The following IL1RAPL2 variants were observed in gnomAD, a reference collection of about 807,000 sequenced individuals.
The protein encoded by IL1RAPL2 is X-linked interleukin-1 receptor accessory protein-like 2.
Under a neutral mutation model 44.1 loss-of-function variants are expected in IL1RAPL2, and 3 were observed. The ratio of observed to expected loss-of-function variants is 0.07; its 90% confidence interval spans 0.03 to 0.18. The LOEUF (loss-of-function observed/expected upper bound fraction) is 0.18. Among genes scored for constraint, IL1RAPL2 ranks in the 10% least tolerant of loss-of-function variants. The pLI is 1.00. For synonymous variants in IL1RAPL2, 181 were observed against 178.8 expected, an observed-to-expected ratio of 1.01 and a Z score of -0.10; for missense variants, 391 against 496.4, an observed-to-expected ratio of 0.79 and a Z score of 2.02.
At chrX:105,062,948 C>A (rs2032092828) in intron 2 of IL1RAPL2, among the ~76,000 whole-genome samples, 1 of 111,062 alleles carries the variant, frequency 9.0e-6, no homozygotes, top group Non-Finnish European at 1.9e-5. Flanking sequence ...TGTTCTATAA[C>A]CTTCTTGTAC....
chrX:105,767,328 A>ACTT lies in IL1RAPL2; in HGVS notation c.1729_1731dup (p.Leu577dup). The ACTT allele has an allele frequency of 8.3e-7, 1 of 1,211,667 alleles. No homozygotes were observed. Among genetic ancestry groups the ACTT allele is most frequent in the Non-Finnish European group, 1.1e-6 (1 of 895,230 alleles). On this transcript the variant is annotated inframe_insertion, in exon 11 of 11. Coordinates refer to ENST00000372582, the MANE Select transcript of IL1RAPL2 (RefSeq NM_017416.2). ...ATGTTCTGGACTCCGCAGAACAAGGACTTTTTGGAGAACTCCAGCCTATAC... is the reference window on the plus strand; with the variant it reads ...ATGTTCTGGACTCCGCAGAACAAGGACTTCTTTTTGGAGAACTCCAGCCTATAC...
intron 5 of IL1RAPL2, among the ~76,000 whole-genome samples, chrX:105,388,692 T>C (rs1270822527): frequency 9.0e-6 from 1 of 111,121 alleles, no homozygotes; most frequent in Non-Finnish European, 1.9e-5. Flanking sequence ...CTTTAGTTCT[T>C]TGAAATCACC....
chrX:104,954,935 G>A (rs1458332576), intron 2 of IL1RAPL2, among the ~76,000 whole-genome samples: 2 of 113,046 alleles, frequency 1.8e-5, no homozygotes, highest in South Asian at 3.6e-4. Flanking sequence ...CCTGCAGAGC[G>A]GGGCTACCCC....
chrX:104,729,172 T>G (rs981506203), intron 2 of IL1RAPL2, among the ~76,000 whole-genome samples: 4 of 111,613 alleles, frequency 3.6e-5, no homozygotes, highest in African/African-American at 1.3e-4. Context: ...GAGTGATAAG[T>G]AAGACATACA....
At chrX:105,527,452 G>GTA (rs1241124207) in intron 6 of IL1RAPL2, among the ~76,000 whole-genome samples, 2 of 108,399 alleles carry the variant, frequency 1.8e-5, no homozygotes, top group Non-Finnish European at 3.8e-5. Flanking sequence ...GTGTGTGTGT[G>GTA]TGTGTGTGTG....
intron 2 of IL1RAPL2, among the ~76,000 whole-genome samples, chrX:104,939,050 CTTTTTTTTTTT>C (rs60881835): frequency 1.0e-3 from 83 of 81,417 alleles, no homozygotes; most frequent in South Asian, 1.8e-3. Context: ...TGCATGCTAG[CTTTTTTTTTTT>C]TTTTTTTTTT....
At chrX:104,722,530 G>C (rs1027852113) in intron 2 of IL1RAPL2, among the ~76,000 whole-genome samples, 7 of 111,246 alleles carry the variant, frequency 6.3e-5, no homozygotes, top group African/African-American at 1.3e-4. Flanking sequence ...TTATATTGTG[G>C]AAGTCAGCTT....
At position 105,022,563 on chromosome X, in the gene IL1RAPL2, C is replaced by A. The variant is rs185593644; in HGVS notation, c.83-172912C>A. Among the ~76,000 whole-genome samples the A allele has an allele frequency of 3.1e-3, 340 of 110,988 alleles. 6 individuals are homozygous for A. The South Asian group carries it at 0.062, about 20-fold the overall frequency. On this transcript the variant is annotated intron_variant, in intron 2 of 10. Coordinates refer to ENST00000372582, the MANE Select transcript of IL1RAPL2 (RefSeq NM_017416.2). ...AGAGTCTTTTCTTGGATATCCCAGG[C>A]TCCTTGACTTTCAGCTCTGTGATTT...
rs867087625 is a variant in IL1RAPL2, at chrX:104,905,588, A to C, written c.82+246593A>C. The stretch of plus-strand genomic sequence containing the variant: ...CCTTTCCCCATTGCTTGTTTTTCTC[A>C]GGTTTGTCAAAGATCAGATAGTTGT... On this transcript the variant is annotated intron_variant, in intron 2 of 10. Transcript: ENST00000372582. Among the ~76,000 whole-genome samples the C allele has an allele frequency of 2.5e-4, 28 of 111,362 alleles. 1 individual carries two copies. The highest frequency in any genetic ancestry group is 9.2e-4 in the African/African-American group (28 of 30,576).
chrX:105,035,068 G>A (rs1043972607), intron 2 of IL1RAPL2, among the ~76,000 whole-genome samples: 3 of 111,733 alleles, frequency 2.7e-5, no homozygotes, highest in Non-Finnish European at 5.6e-5. Flanking sequence ...CTCCTGGTGT[G>A]CCGTTTTTTT....
intron 6 of IL1RAPL2, among the ~76,000 whole-genome samples, chrX:105,596,338 A>AT (rs1230985209): frequency 8.4e-4 from 86 of 102,963 alleles, no homozygotes; most frequent in African/African-American, 1.1e-3. Flanking sequence ...TTGGTACGTT[A>AT]TTTTTTTTTG....
intron 6 of IL1RAPL2, among the ~76,000 whole-genome samples, chrX:105,709,998 TAAC>T (rs777256330): frequency 2.7e-5 from 3 of 110,839 alleles, no homozygotes; most frequent in Admixed American, 9.7e-5. Flanking sequence ...ACCAAAACAA[TAAC>T]AACAATAACA....
At chrX:104,708,578 C>T (rs1181228152) in intron 2 of IL1RAPL2, among the ~76,000 whole-genome samples, 2 of 111,145 alleles carry the variant, frequency 1.8e-5, no homozygotes, top group South Asian at 3.8e-4. Context: ...TAGAGCAGGA[C>T]ACATCAAAGT....
At chrX:104,928,553 TTC>T (rs887674460) in intron 2 of IL1RAPL2, among the ~76,000 whole-genome samples, 4 of 111,520 alleles carry the variant, frequency 3.6e-5, no homozygotes, top group Non-Finnish European at 7.5e-5. Context: ...AAAAATTGTT[TTC>T]TCTCTCCTTT....
rs140707176 is a variant in IL1RAPL2 at position 104,785,520 on chromosome X, G to A, written c.82+126525G>A. On this transcript the variant is annotated intron_variant, in intron 2 of 10. Transcript: ENST00000372582. Reference sequence around the variant, plus strand: ...ATTTCAAGTATTGTAAGATAGTTGGGCACTGTCTATCTTCTCCCTCCTTAT... The same window carrying A: ...ATTTCAAGTATTGTAAGATAGTTGGACACTGTCTATCTTCTCCCTCCTTAT... Among the ~76,000 whole-genome samples, 334 of 111,384 alleles carry A rather than the reference G, an allele frequency of 3.0e-3. 1 individual carries two copies. Among genetic ancestry groups the A allele is most frequent in the African/African-American group, 1.0e-2 (305 of 30,630 alleles).
At chrX:105,316,446 T>G (rs2034842385) in intron 5 of IL1RAPL2, among the ~76,000 whole-genome samples, 1 of 110,854 alleles carries the variant, frequency 9.0e-6, no homozygotes, top group African/African-American at 3.3e-5. Context: ...TATGAACAAT[T>G]TAGTTAAAAT....
chrX:104,778,432 C>T (rs1387194265), intron 2 of IL1RAPL2, among the ~76,000 whole-genome samples: 2 of 109,093 alleles, frequency 1.8e-5, no homozygotes, highest in Non-Finnish European at 3.8e-5. Flanking sequence ...ACTTTGCACA[C>T]ACCTGTAGTC....
intron 6 of IL1RAPL2, among the ~76,000 whole-genome samples, chrX:105,677,810 T>C (rs2037885459): frequency 8.9e-6 from 1 of 111,940 alleles, no homozygotes; most frequent in African/African-American, 3.2e-5. Context: ...AAATTGTCCC[T>C]AGTATGTATC....
intron 2 of IL1RAPL2, among the ~76,000 whole-genome samples, chrX:104,818,506 C>T (rs1921208849): frequency 9.2e-6 from 1 of 108,496 alleles, no homozygotes; most frequent in Admixed American, 9.9e-5. Context: ...GGGAGGAGAG[C>T]CCAGGATCAA....
Sources: allele counts gnomAD v4.1 joint callset (sites outside exome capture counted in the v4.1 genomes callset), GRCh38; gene constraint gnomAD v4.1.1; transcripts MANE v1.5; gene names NCBI Gene and HGNC (gene_info 2026-07-23, HGNC 2026-07-21).